SLC44A5: variants seen among roughly 807,000 people sequenced by gnomAD.
The protein encoded by SLC44A5 is choline transporter-like protein 5.
A neutral mutation model predicts 101.8 loss-of-function variants in SLC44A5; 57 were observed. The ratio of observed to expected loss-of-function variants is 0.56; its 90% CI spans 0.45 to 0.70. The LOEUF is 0.70. Ranked by LOEUF, SLC44A5 falls within the 30% of genes least tolerant of loss-of-function variation. The pLI is 0.00. For missense variants in SLC44A5, 737 were observed against 853.1 expected (o/e 0.86, Z 1.70); for synonymous variants, 281 against 290.9 (o/e 0.97, Z 0.35).
intron 2 of SLC44A5, among the ~76,000 whole-genome samples, chr1:75,460,379 A>G (rs1666434211): frequency 6.6e-6 from 1 of 152,236 alleles, no homozygotes; most frequent in Non-Finnish European, 1.5e-5. Flanking sequence ...TATTTCACAA[A>G]ATGTAAACTC....
chr1:75,274,335 T>TTG (rs1476596212), intron 6 of SLC44A5, among the ~76,000 whole-genome samples: 1 of 152,070 alleles, frequency 6.6e-6, no homozygotes, highest in Non-Finnish European at 1.5e-5. Flanking sequence ...GGGGGGCTGC[T>TTG]TGTGTGTGTG....
intron 7 of SLC44A5, among the ~76,000 whole-genome samples, chr1:75,247,738 G>A (rs746281565): frequency 7.2e-5 from 11 of 152,006 alleles, no homozygotes; most frequent in Non-Finnish European, 1.5e-4. Context: ...AAGGAGGTGG[G>A]ATTGATTAAA....
At chr1:75,647,465 G>T in the SLC44A5 span, among the ~76,000 whole-genome samples, 1 of 152,168 alleles carries the variant, frequency 6.6e-6, no homozygotes, top group African/African-American at 2.4e-5. Flanking sequence ...GACTACTGGA[G>T]CTGTGAGAAG....
chr1:75,410,011 T>A (rs1339671098), intron 2 of SLC44A5, among the ~76,000 whole-genome samples: 12 of 152,152 alleles, frequency 7.9e-5, no homozygotes. Flanking sequence ...TACCTCTCAA[T>A]GCTCTCAAAA....
intron 2 of SLC44A5, among the ~76,000 whole-genome samples, chr1:75,413,975 A>G (rs1460409291): frequency 6.6e-6 from 1 of 152,108 alleles, no homozygotes; most frequent in African/African-American, 2.4e-5. Context: ...TCAATCCCTA[A>G]TACTATCCAT....
chr1:75,651,424 A>C, the SLC44A5 span, among the ~76,000 whole-genome samples: 1 of 152,098 alleles, frequency 6.6e-6, no homozygotes, highest in Non-Finnish European at 1.5e-5. Flanking sequence ...GTAGTAGAAG[A>C]CTTTTTACTC....
chr1:75,671,796 C>T, the SLC44A5 span, among the ~76,000 whole-genome samples: 3 of 152,150 alleles, frequency 2.0e-5, no homozygotes, highest in Non-Finnish European at 2.9e-5. Context: ...AAGCTGATCT[C>T]GAACCAAGCT....
At chr1:75,345,381 C>T (rs1248302857) in intron 3 of SLC44A5, among the ~76,000 whole-genome samples, 1 of 152,050 alleles carries the variant, frequency 6.6e-6, no homozygotes, top group African/African-American at 2.4e-5. Context: ...CCCCTCTAAC[C>T]TTCCATTTTT....
At chr1:75,599,882 T>A (rs745687279) in intron 1 of SLC44A5, among the ~76,000 whole-genome samples, 1 of 152,114 alleles carries the variant, frequency 6.6e-6, no homozygotes, top group African/African-American at 2.4e-5. Context: ...TAGACTTGGA[T>A]GGTTTGCTAC....
intron 4 of SLC44A5, among the ~76,000 whole-genome samples, chr1:75,321,627 C>G (rs191584907): frequency 6.6e-6 from 1 of 152,250 alleles, no homozygotes; most frequent in East Asian, 1.9e-4. Flanking sequence ...TTGGGGGACA[C>G]AAACATTCAG....
intron 1 of SLC44A5, among the ~76,000 whole-genome samples, chr1:75,549,717 C>A (rs989690448): frequency 6.6e-6 from 1 of 152,086 alleles, no homozygotes; most frequent in East Asian, 1.9e-4. Context: ...GAAGGAAACA[C>A]AGAATTACCC....
At chr1:75,462,815 A>G (rs1412650541) in intron 2 of SLC44A5, among the ~76,000 whole-genome samples, 2 of 152,144 alleles carry the variant, frequency 1.3e-5, no homozygotes, top group African/African-American at 4.8e-5. Context: ...GAGCTTGAAG[A>G]CAGGCTATTT....
intron 4 of SLC44A5, among the ~76,000 whole-genome samples, chr1:75,315,454 A>T (rs149791554): frequency 6.6e-6 from 1 of 152,142 alleles, no homozygotes; most frequent in South Asian, 2.1e-4. Context: ...TGAATTTCCC[A>T]GGAAATCATA....
At chr1:75,674,556 T>G in the SLC44A5 span, among the ~76,000 whole-genome samples, 1 of 152,110 alleles carries the variant, frequency 6.6e-6, no homozygotes, top group Admixed American at 6.6e-5. Flanking sequence ...ATTTTTGTAT[T>G]TTTAGTAGAG....
At chr1:75,235,983 T>G (rs1469934951) in intron 11 of SLC44A5, among the ~76,000 whole-genome samples, 1 of 152,006 alleles carries the variant, frequency 6.6e-6, no homozygotes, top group Admixed American at 6.6e-5. Flanking sequence ...ATGATGGGTA[T>G]GAGGAACACA....
chr1:75,410,425 T>C (rs549338802), intron 2 of SLC44A5, among the ~76,000 whole-genome samples: 4 of 152,212 alleles, frequency 2.6e-5, no homozygotes, highest in Admixed American at 2.0e-4. Context: ...CCAATCTCTA[T>C]GCCCAACAAA....
chr1:75,476,193 G>GTATA (rs551839853), intron 2 of SLC44A5, among the ~76,000 whole-genome samples: 1 of 149,742 alleles, frequency 6.7e-6, no homozygotes, highest in African/African-American at 2.5e-5. Flanking sequence ...AAAAAAAAAA[G>GTATA]TATATATATA....
chr1:75,713,121 G>C, the SLC44A5 span, among the ~76,000 whole-genome samples: 2 of 152,126 alleles, frequency 1.3e-5, no homozygotes, highest in Non-Finnish European at 2.9e-5. Flanking sequence ...AACTCACTAG[G>C]CATGCCAATG....
intron 3 of SLC44A5, among the ~76,000 whole-genome samples, chr1:75,390,831 A>T (rs1661736984): frequency 6.6e-6 from 1 of 152,190 alleles, no homozygotes; most frequent in South Asian, 2.1e-4. Context: ...ATAGTACTGG[A>T]AGTCCTAGCT....
Sources: gnomAD v4.1 joint callset for allele counts (sites outside exome capture counted in the v4.1 genomes callset) on GRCh38, gnomAD v4.1.1 for gene constraint, MANE v1.5 for transcripts, NCBI Gene and HGNC (gene_info 2026-07-23, HGNC 2026-07-21) for gene names.